TRMT11: variants seen among roughly 807,000 people sequenced by gnomAD.
TRMT11 encodes tRNA methyltransferase 11.
Under a neutral mutation model 62.8 loss-of-function variants are expected in TRMT11, and 53 were observed. The observed-to-expected ratio is 0.84, with a 90% CI of 0.68 to 1.06. The LOEUF (loss-of-function observed/expected upper bound fraction) is 1.06, where lower values mean the gene tolerates loss of function less well. TRMT11 is among the 50% of genes least tolerant of loss of function. The pLI, the probability that TRMT11 is intolerant of heterozygous loss-of-function variation, is 0.00. For missense variants in TRMT11, 556 were observed against 553.4 expected, an observed-to-expected ratio of 1.00 and a Z score of -0.05; for synonymous variants, 188 against 190.3, an observed-to-expected ratio of 0.99 and a Z score of 0.10.
chr6:126,005,770 T>A (rs1235498797), intron 7 of TRMT11, among the ~76,000 whole-genome samples: 1 of 151,976 alleles, frequency 6.6e-6, no homozygotes, highest in African/African-American at 2.4e-5. Flanking sequence ...TGTTTATAAT[T>A]AATATGTGCA....
downstream of TRMT11, among the ~76,000 whole-genome samples, chr6:126,203,556 C>T (rs1033788174): frequency 3.3e-5 from 5 of 152,144 alleles, no homozygotes; most frequent in Non-Finnish European, 7.3e-5. Context: ...AAGATGACTT[C>T]AAAGCCAGCT....
At chr6:126,180,059 A>G (rs914465500) in intron 1 of TRMT11, among the ~76,000 whole-genome samples, 23 of 152,300 alleles carry the variant, frequency 1.5e-4, no homozygotes, top group African/African-American at 5.5e-4. Context: ...AGAATATGCT[A>G]CGTGATAAAG....
exon 20 of TRMT11, among the ~76,000 whole-genome samples, chr6:126,115,369 A>G (rs1287934493): frequency 6.6e-6 from 1 of 152,148 alleles, no homozygotes; most frequent in Non-Finnish European, 1.5e-5. Context: ...CAATGAAGTC[A>G]GAATCTCTGG....
chr6:126,136,371 G>T (rs1189993997), intron 21 of TRMT11, among the ~76,000 whole-genome samples: 1 of 151,566 alleles, frequency 6.6e-6, no homozygotes, highest in African/African-American at 2.4e-5. Context: ...TATGCCAACA[G>T]AGATCTATCT....
At chr6:126,037,759 C>T (rs1247485058) in intron 12 of TRMT11, among the ~76,000 whole-genome samples, 1 of 151,628 alleles carries the variant, frequency 6.6e-6, no homozygotes, top group Non-Finnish European at 1.5e-5. Context: ...TTTATACAGG[C>T]AAAAATATTT....
At chr6:126,214,270 C>A in the TRMT11 span, among the ~76,000 whole-genome samples, 2 of 151,946 alleles carry the variant, frequency 1.3e-5, no homozygotes, top group Non-Finnish European at 2.9e-5. Flanking sequence ...TGGAAGTATT[C>A]CCTCTTTCTC....
the TRMT11 span, among the ~76,000 whole-genome samples, chr6:126,249,940 A>G: frequency 1.3e-5 from 2 of 152,188 alleles, no homozygotes; most frequent in Non-Finnish European, 2.9e-5. Context: ...GTTAAATTAC[A>G]TACGATGCAC....
chr6:126,207,233 C>T (rs996153466), downstream of TRMT11, among the ~76,000 whole-genome samples: 3 of 152,124 alleles, frequency 2.0e-5, no homozygotes, highest in African/African-American at 7.2e-5. Context: ...AAGTGACCCA[C>T]CCTGAGACAG....
At chr6:126,187,769 G>C (rs1363859127) in intron 1 of TRMT11, among the ~76,000 whole-genome samples, 1 of 151,746 alleles carries the variant, frequency 6.6e-6, no homozygotes, top group Non-Finnish European at 1.5e-5. Context: ...GGTAAAGATA[G>C]ATTAAATAGG....
chr6:126,160,693 C>A (rs1778179555), intron 21 of TRMT11, among the ~76,000 whole-genome samples: 1 of 152,134 alleles, frequency 6.6e-6, no homozygotes, highest in African/African-American at 2.4e-5. Context: ...CTGCTTACCA[C>A]CCTCACAGAC....
intron 17 of TRMT11, among the ~76,000 whole-genome samples, chr6:126,070,346 CTTCTT>C (rs1776816726): frequency 6.6e-6 from 1 of 152,172 alleles, no homozygotes; most frequent in African/African-American, 2.4e-5. Context: ...ACCCTCTTCT[CTTCTT>C]GTCTTTCATT....
chr6:126,186,854 A>C (rs902761327), intron 1 of TRMT11, among the ~76,000 whole-genome samples: 4 of 152,098 alleles, frequency 2.6e-5, no homozygotes. Flanking sequence ...ATTAATGAAA[A>C]ATGACCTTAA....
intron 17 of TRMT11, among the ~76,000 whole-genome samples, chr6:126,063,256 T>C (rs928412197): frequency 6.6e-6 from 1 of 152,214 alleles, no homozygotes; most frequent in African/African-American, 2.4e-5. Flanking sequence ...AGGCTATTTT[T>C]GGTTCAAAAT....
At chr6:126,077,960 C>CA (rs1777067460) in intron 17 of TRMT11, among the ~76,000 whole-genome samples, 1 of 152,130 alleles carries the variant, frequency 6.6e-6, no homozygotes. Flanking sequence ...CCCTGCTGAA[C>CA]AAGACACATC....
chr6:126,244,877 T>C, the TRMT11 span, among the ~76,000 whole-genome samples: 1 of 152,226 alleles, frequency 6.6e-6, no homozygotes, highest in Non-Finnish European at 1.5e-5. Context: ...GTTTAGAGAC[T>C]GGGCAAAACA....
chr6:126,227,211 T>C, the TRMT11 span, among the ~76,000 whole-genome samples: 2 of 152,236 alleles, frequency 1.3e-5, no homozygotes. Flanking sequence ...AGGACTGAAG[T>C]AGGTCTGCAA....
At chr6:126,254,866 C>CA in the TRMT11 span, among the ~76,000 whole-genome samples, 3 of 151,752 alleles carry the variant, frequency 2.0e-5, no homozygotes, top group African/African-American at 7.2e-5. Context: ...ATTTGAAATT[C>CA]AAAAAACATA....
chr6:126,265,707 C>T, the TRMT11 span, among the ~76,000 whole-genome samples: 3 of 152,120 alleles, frequency 2.0e-5, no homozygotes, highest in Non-Finnish European at 4.4e-5. Context: ...ATGGACCAGG[C>T]TTCCAATGAT....
the TRMT11 span, among the ~76,000 whole-genome samples, chr6:126,237,817 T>C: frequency 1.3e-5 from 2 of 152,358 alleles, no homozygotes; most frequent in African/African-American, 4.8e-5. Context: ...GTCAGAAGAA[T>C]TCGGCTGTGA....
Sources: allele counts gnomAD v4.1 joint callset (sites outside exome capture counted in the v4.1 genomes callset), GRCh38; gene constraint gnomAD v4.1.1; transcripts MANE v1.5; gene names NCBI Gene and HGNC (gene_info 2026-07-23, HGNC 2026-07-21).